Variants in ENTREP2 observed in about 807,000 individuals in gnomAD.
ENTREP2 encodes the protein protein ENTREP2.
the ENTREP2 span, among the ~76,000 whole-genome samples, chr15:29,496,085 A>G: frequency 6.6e-6 from 1 of 151,860 alleles, no homozygotes; most frequent in Non-Finnish European, 1.5e-5. Context: ...TCTTTTATCA[A>G]TGTTTCATAG....
At chr15:29,316,663 T>C in the ENTREP2 span, among the ~76,000 whole-genome samples, 1 of 152,124 alleles carries the variant, frequency 6.6e-6, no homozygotes, top group African/African-American at 2.4e-5. Flanking sequence ...AGCTGAGTAA[T>C]GGATGCATAG....
At chr15:29,507,416 A>T in the ENTREP2 span, among the ~76,000 whole-genome samples, 2 of 152,230 alleles carry the variant, frequency 1.3e-5, no homozygotes, top group Non-Finnish European at 2.9e-5. Flanking sequence ...CCTAATAGAC[A>T]TCTACAGAAC....
the ENTREP2 span, among the ~76,000 whole-genome samples, chr15:29,404,606 C>T: frequency 4.6e-5 from 7 of 151,984 alleles, no homozygotes; most frequent in East Asian, 2.0e-4. Context: ...AGGGCTCCCT[C>T]GGCCCATCAT....
chr15:29,169,281 G>A, the ENTREP2 span, among the ~76,000 whole-genome samples: 1 of 152,014 alleles, frequency 6.6e-6, no homozygotes, highest in Non-Finnish European at 1.5e-5. Flanking sequence ...AAATTTATGG[G>A]AATGAAGAAA....
At chr15:29,548,785 T>C in the ENTREP2 span, among the ~76,000 whole-genome samples, 1 of 152,200 alleles carries the variant, frequency 6.6e-6, no homozygotes, top group African/African-American at 2.4e-5. Context: ...GGTGCATAAA[T>C]GAGGATTTGT....
At chr15:29,613,428 AC>A in the ENTREP2 span, 2 of 466,704 alleles carry the variant, frequency 4.3e-6, no homozygotes, top group East Asian at 6.6e-5. Flanking sequence ...CTTCCAGCTG[AC>A]CCACTCACTG....
At chr15:29,505,892 A>T in the ENTREP2 span, among the ~76,000 whole-genome samples, 48 of 152,090 alleles carry the variant, frequency 3.2e-4, no homozygotes, top group Non-Finnish European at 8.8e-5. The surrounding 1 kb of genome is among the most constrained non-coding windows in gnomAD (Gnocchi z 4.3). Flanking sequence ...CAAGAAAACA[A>T]AACTGGACAG....
chr15:29,180,898 C>T, the ENTREP2 span, among the ~76,000 whole-genome samples: 1 of 151,140 alleles, frequency 6.6e-6, no homozygotes, highest in African/African-American at 2.4e-5. Context: ...TTAGTAACAG[C>T]ATACATCGAG....
chr15:29,155,960 G>C, the ENTREP2 span, among the ~76,000 whole-genome samples: 1 of 152,106 alleles, frequency 6.6e-6, no homozygotes, highest in Non-Finnish European at 1.5e-5. Flanking sequence ...TCCTACTATA[G>C]GCATCTCCAC....
the ENTREP2 span, among the ~76,000 whole-genome samples, chr15:29,463,522 T>G: frequency 1.1e-5 from 1 of 90,086 alleles, no homozygotes; most frequent in African/African-American, 3.1e-5. Flanking sequence ...AGCAAAACTT[T>G]AAAAATGCAC....
At chr15:29,594,644 A>C in the ENTREP2 span, among the ~76,000 whole-genome samples, 1 of 152,160 alleles carries the variant, frequency 6.6e-6, no homozygotes, top group Non-Finnish European at 1.5e-5. Flanking sequence ...AGGATAATGC[A>C]ATCTGATTTG....
the ENTREP2 span, among the ~76,000 whole-genome samples, chr15:29,465,686 A>G: frequency 6.6e-6 from 1 of 152,122 alleles, no homozygotes; most frequent in African/African-American, 2.4e-5. Flanking sequence ...CAACAATCAA[A>G]CCCCAACATA....
chr15:29,234,293 G>A, the ENTREP2 span: 33 of 1,611,616 alleles, frequency 2.0e-5, no homozygotes, highest in Non-Finnish European at 2.4e-5. Flanking sequence ...ATCATCTTTC[G>A]GGTCAAAAAG....
the ENTREP2 span, among the ~76,000 whole-genome samples, chr15:29,517,736 G>A: frequency 6.6e-6 from 1 of 152,078 alleles, no homozygotes; most frequent in African/African-American, 2.4e-5. Flanking sequence ...TGTCTATGAG[G>A]GGTTATTTGT....
the ENTREP2 span, among the ~76,000 whole-genome samples, chr15:29,542,098 T>A: frequency 6.6e-6 from 1 of 152,188 alleles, no homozygotes; most frequent in Non-Finnish European, 1.5e-5. Context: ...AACCTCTGCC[T>A]CCCAGGTTCA....
chr15:29,316,167 AAATG>A, the ENTREP2 span, among the ~76,000 whole-genome samples: 4 of 152,336 alleles, frequency 2.6e-5, no homozygotes, highest in African/African-American at 9.6e-5. Flanking sequence ...ATCAAAAGCA[AAATG>A]AAATAAGTGA....
the ENTREP2 span, among the ~76,000 whole-genome samples, chr15:29,644,805 C>T: frequency 7.4e-6 from 1 of 135,302 alleles, no homozygotes; most frequent in African/African-American, 2.8e-5. Flanking sequence ...TCCAAGACTC[C>T]ATCTCCATAA....
chr15:29,301,355 A>G, the ENTREP2 span, among the ~76,000 whole-genome samples: 1 of 152,220 alleles, frequency 6.6e-6, no homozygotes, highest in Non-Finnish European at 1.5e-5. Context: ...AATATTTTCT[A>G]TCTGCTAAGG....
At chr15:29,321,584 G>A in the ENTREP2 span, among the ~76,000 whole-genome samples, 691 of 151,590 alleles carry the variant, frequency 4.6e-3, 4 homozygotes, top group African/African-American at 0.016. Flanking sequence ...AGGAGGTGGA[G>A]GTTGCAGTGA....
Sources: gnomAD v4.1 joint callset for allele counts (sites outside exome capture counted in the v4.1 genomes callset) on GRCh38, gnomAD v4.1.1 for gene constraint, Gnocchi (gnomAD v3.1) non-coding constraint, MANE v1.5 for transcripts, NCBI Gene and HGNC (gene_info 2026-07-23, HGNC 2026-07-21) for gene names.